The following RHOC variants were observed in gnomAD, a reference collection of about 807,000 sequenced individuals.
RHOC encodes the protein rho-related GTP-binding protein RhoC.
In RHOC, 13 loss-of-function variants were observed where a neutral mutation model predicts 19.5. The observed-to-expected ratio is 0.67, with a 90% CI of 0.43 to 1.06. The LOEUF is 1.06. Among genes scored for constraint, RHOC ranks in the 50% least tolerant of loss-of-function variants. The probability of loss-of-function intolerance (pLI) is 0.00; values close to 1 mark genes in which losing one functional copy is unlikely to be tolerated. For synonymous variants in RHOC, 106 were observed against 97.3 expected (o/e 1.09, Z -0.52); for missense variants, 173 against 256.9 (o/e 0.67, Z 2.23).
intron 1 of RHOC, among the ~76,000 whole-genome samples, chr1:112,706,462 CACCACA>C (rs1674867736): frequency 5.8e-5 from 1 of 17,200 alleles, no homozygotes; most frequent in African/African-American, 2.4e-4. Context: ...CACACACACA[CACCACA>C]CACACACACA....
chr1:112,701,269 G>A lies in RHOC; in HGVS notation c.*271C>T. ...TTCCTGTGAGCCAGAAGTGTATAAA[G>A]TGCTGGTGTGTGACCATCCTTTGGG... On this transcript the variant is annotated 3_prime_UTR_variant, in exon 6 of 6. Coordinates refer to ENST00000339083, the MANE Select transcript of RHOC (RefSeq NM_175744.5). The A allele has an allele frequency of 1.2e-6, 1 of 816,152 alleles. No homozygotes were observed. 50.6% of individuals were successfully genotyped at this position (816,152 alleles called of 1,614,324 possible). A position where few individuals can be genotyped will look rare whatever the true frequency, so the allele number is the denominator to read the frequency against.
At chr1:112,703,287 G>T in intron 3 of RHOC, 168 bp from the exon 4 acceptor site, 1 of 807,782 alleles carries the variant, frequency 1.2e-6, no homozygotes, top group Non-Finnish European at 2.0e-6. Context: ...AGGTCAGTTT[G>T]TTAAAGAAAT....
At chr1:112,702,945 A>G in intron 4 of RHOC, 54 bp downstream of exon 4, 6 of 1,604,178 alleles carry the variant, frequency 3.7e-6, no homozygotes, top group Non-Finnish European at 3.4e-6. Context: ...CCAAGGCACG[A>G]GACCTCTGGC....
In RHOC at chr1:112,701,543, G is replaced by A; in HGVS notation, c.579C>T (p.Leu193=). 1 of 1,614,136 alleles carries A rather than the reference G, an allele frequency of 6.2e-7. No homozygotes were observed. Among genetic ancestry groups the A allele is most frequent in the Non-Finnish European group, 8.5e-7 (1 of 1,179,988 alleles). Residue 193 remains leucine (L), a synonymous_variant, in exon 6 of 6, where the codon CTC becomes CTT. Transcript: ENST00000339083. ...KNKRRRGCPI[L] Reference sequence around the variant, plus strand: ...TGTAGGAAAGGCCTTGGGGATCTCAGAGAATGGGACAGCCCCTCCGACGCT... The same window carrying A: ...TGTAGGAAAGGCCTTGGGGATCTCAAAGAATGGGACAGCCCCTCCGACGCT...
rs113086177 is a variant in RHOC, at chr1:112,703,599, G to A, written c.156+45C>T. On this transcript the variant is annotated intron_variant, in intron 3 of 5. Coordinates refer to ENST00000339083, the MANE Select transcript of RHOC (RefSeq NM_175744.5). Reference sequence around the variant, plus strand: ...CATACTAGGTCATTCAGTGACTGGGGGGCGGGGTCTCAGGGTGGGGTGGGA... The same window carrying A: ...CATACTAGGTCATTCAGTGACTGGGAGGCGGGGTCTCAGGGTGGGGTGGGA... 16 of 1,524,784 alleles carry A rather than the reference G, an allele frequency of 1.0e-5. No homozygotes were observed. In the African/African-American group the frequency reaches 1.1e-4, roughly 10 times the overall value. The allele number at this position is 1,524,784 out of a possible 1,614,324, so 94.5% of individuals were successfully genotyped here. A position where few individuals can be genotyped will look rare whatever the true frequency, so the allele number is the denominator to read the frequency against.
Sources: gnomAD v4.1 joint callset for allele counts (sites outside exome capture counted in the v4.1 genomes callset) on GRCh38, gnomAD v4.1.1 for gene constraint, MANE v1.5 for transcripts, NCBI Gene and HGNC (gene_info 2026-07-23, HGNC 2026-07-21) for gene names.